The following BAZ2B variants were observed in gnomAD, a reference collection of about 807,000 sequenced individuals.
BAZ2B encodes bromodomain adjacent to zinc finger domain protein 2B.
BAZ2B carries 91 observed loss-of-function variants against 246.0 expected under a neutral mutation model. That is an observed-to-expected ratio of 0.37 (90% CI 0.31 to 0.44). BAZ2B has a LOEUF of 0.44. BAZ2B is among the 20% of genes least tolerant of loss of function. The probability of loss-of-function intolerance (pLI) is 1.00; values close to 1 mark genes in which losing one functional copy is unlikely to be tolerated. For missense variants in BAZ2B, 2,332 were observed against 2,533.7 expected, an observed-to-expected ratio of 0.92 and a Z score of 1.71; for synonymous variants, 855 against 860.0, an observed-to-expected ratio of 0.99 and a Z score of 0.10.
chr2:159,429,148 C>T (rs2070594020), intron 11 of BAZ2B, 52 bp downstream of exon 11: 4 of 1,235,108 alleles, frequency 3.2e-6, no homozygotes, highest in Non-Finnish European at 2.2e-6. Context: ...ATACATCAAA[C>T]TTGCATAAAT....
Position 159,382,761 on chromosome 2 carries a change from G to A in BAZ2B, c.3803C>T (p.Thr1268Ile), listed in dbSNP as rs2062145428. 2.5e-6 allele frequency: 4 copies of A among 1,613,596 alleles called. No homozygotes were observed. Among genetic ancestry groups the A allele is most frequent in the Non-Finnish European group, 3.4e-6 (4 of 1,179,810 alleles). The change falls in exon 25 of 37, where the codon ACT becomes ATT. Residue 1268 changes from threonine (T) to isoleucine (I), a missense_variant. This residue lies in a region of BAZ2B where 328 missense variants were observed against 410.4 expected (regional missense o/e 0.80). Coordinates refer to ENST00000392783, the MANE Select transcript of BAZ2B (RefSeq NM_013450.4). ...IHAKKTGKRD[T>I]SGGIDLGEEQ... ...TTCTCCCAGATCAATGCCACCTGAA[G>A]TGTCTCTTTTGCCTGTTTTCTTAGC...
chr2:159,466,943 T>C (rs777911220), intron 3 of BAZ2B, among the ~76,000 whole-genome samples: 9 of 152,026 alleles, frequency 5.9e-5, no homozygotes, highest in Non-Finnish European at 1.0e-4. Flanking sequence ...CACCCAGAAA[T>C]AGTGTTTTAC....
chr2:159,332,766 C>A (rs1558980759), intron 33 of BAZ2B, 80 bp from the exon 34 acceptor site: 3 of 1,454,386 alleles, frequency 2.1e-6, no homozygotes, highest in East Asian at 2.4e-5. Flanking sequence ...CACCATAATT[C>A]CTAATTTATA....
intron 1 of BAZ2B, among the ~76,000 whole-genome samples, chr2:159,614,431 T>C (rs1695417165): frequency 1.3e-5 from 2 of 152,198 alleles, no homozygotes; most frequent in African/African-American, 4.8e-5. Flanking sequence ...TCCATAGTCA[T>C]TTCTTTTCAA....
intron 27 of BAZ2B, among the ~76,000 whole-genome samples, chr2:159,358,652 A>T (rs1472516527): frequency 6.6e-6 from 1 of 152,208 alleles, no homozygotes; most frequent in Non-Finnish European, 1.5e-5. Flanking sequence ...AAATCAACAG[A>T]ATATACATTC....
the BAZ2B span, among the ~76,000 whole-genome samples, chr2:159,641,041 A>G: frequency 1.3e-5 from 2 of 152,154 alleles, no homozygotes; most frequent in African/African-American, 4.8e-5. Flanking sequence ...GAAAAAGGAG[A>G]CATTACAACT....
chr2:159,349,316 TTACTC>T, intron 28 of BAZ2B, 36 bp from the exon 29 acceptor site: 13 of 1,541,760 alleles, frequency 8.4e-6, no homozygotes, highest in Non-Finnish European at 9.6e-6. Flanking sequence ...GAAAAGTAGA[TTACTC>T]TAAGAAGTTA....
intron 27 of BAZ2B, among the ~76,000 whole-genome samples, chr2:159,364,506 C>T (rs1306888870): frequency 6.6e-6 from 1 of 152,086 alleles, no homozygotes; most frequent in Non-Finnish European, 1.5e-5. Flanking sequence ...GATTCTGCCA[C>T]CTTAAACTCC....
At chr2:159,456,402 G>C (rs1426456569) in intron 3 of BAZ2B, among the ~76,000 whole-genome samples, 3 of 152,016 alleles carry the variant, frequency 2.0e-5, no homozygotes, top group African/African-American at 7.2e-5. Context: ...AAACTTTGTA[G>C]TCTCACAAGC....
chr2:159,452,600 A>G (rs767068836), intron 4 of BAZ2B, among the ~76,000 whole-genome samples: 2 of 152,234 alleles, frequency 1.3e-5, no homozygotes, highest in Non-Finnish European at 1.5e-5. Context: ...AGACCTCACT[A>G]AAATTTATTA....
chr2:159,693,067 T>G, the BAZ2B span: 1 of 152,202 alleles, frequency 6.6e-6, no homozygotes, highest in Non-Finnish European at 1.5e-5. Flanking sequence ...AGCACTGGGT[T>G]TATAGGTGTA....
At chr2:159,412,571 A>C in intron 13 of BAZ2B, 26 bp from the exon 14 acceptor site, 1 of 1,565,090 alleles carries the variant, frequency 6.4e-7, no homozygotes, top group South Asian at 1.2e-5. Flanking sequence ...TTATAGAAAT[A>C]ATATATTACA....
At chr2:159,455,299 T>C in intron 3 of BAZ2B, among the ~76,000 whole-genome samples, 1 of 152,140 alleles carries the variant, frequency 6.6e-6, no homozygotes, top group Non-Finnish European at 1.5e-5. Context: ...AAACGGTCAG[T>C]GTACCCTCTA....
At chr2:159,500,594 T>A (rs188402311) in intron 2 of BAZ2B, among the ~76,000 whole-genome samples, 89 of 152,332 alleles carry the variant, frequency 5.8e-4, no homozygotes, top group Non-Finnish European at 1.1e-3. Context: ...AATAAATTCC[T>A]TCATAGTACA....
intron 3 of BAZ2B, among the ~76,000 whole-genome samples, chr2:159,469,737 G>A (rs2077544801): frequency 1.3e-5 from 2 of 152,058 alleles, no homozygotes; most frequent in South Asian, 4.2e-4. Context: ...CACCATGCCC[G>A]GCCTATACCT....
intron 31 of BAZ2B, among the ~76,000 whole-genome samples, chr2:159,342,217 C>T (rs1013385461): frequency 9.9e-5 from 15 of 152,120 alleles, no homozygotes; most frequent in African/African-American, 3.4e-4. Context: ...GATAGGAAGA[C>T]TAAATATCAT....
the BAZ2B span, among the ~76,000 whole-genome samples, chr2:159,701,061 T>C: frequency 6.6e-6 from 1 of 152,210 alleles, no homozygotes; most frequent in Admixed American, 6.5e-5. Flanking sequence ...AGAAAAATAT[T>C]ACAAAACTTC....
intron 31 of BAZ2B, among the ~76,000 whole-genome samples, 193 bp from the exon 32 acceptor site, chr2:159,337,965 T>C (rs1417689360): frequency 6.6e-6 from 1 of 152,194 alleles, no homozygotes; most frequent in Non-Finnish European, 1.5e-5. Flanking sequence ...TAAGAAAAGT[T>C]TGAAAAATAA....
intron 13 of BAZ2B, among the ~76,000 whole-genome samples, chr2:159,427,502 G>A (rs548042912): frequency 3.9e-5 from 6 of 152,108 alleles, no homozygotes; most frequent in Admixed American, 1.3e-4. Context: ...ATCATATAGC[G>A]TGGCATAATC....
Sources: allele counts gnomAD v4.1 joint callset (sites outside exome capture counted in the v4.1 genomes callset), GRCh38; gene constraint gnomAD v4.1.1; regional missense constraint gnomAD v4.1.1; transcripts MANE v1.5; gene names NCBI Gene and HGNC (gene_info 2026-07-23, HGNC 2026-07-21).